CSNK1G3: variants seen among roughly 807,000 people sequenced by gnomAD.
The protein encoded by CSNK1G3 is casein kinase I isoform gamma-3.
A neutral mutation model predicts 64.3 loss-of-function variants in CSNK1G3; 23 were observed. The observed-to-expected ratio is 0.36, with a 90% CI of 0.26 to 0.51. The LOEUF (loss-of-function observed/expected upper bound fraction) is 0.51. Ranked by LOEUF, CSNK1G3 falls within the 20% of genes least tolerant of loss-of-function variation. The pLI is 0.96. For synonymous variants in CSNK1G3, 158 were observed against 162.2 expected (o/e 0.97, Z 0.20); for missense variants, 357 against 510.5 (o/e 0.70, Z 2.90).
At chr5:123,540,715 C>T (rs574636203) in intron 1 of CSNK1G3, among the ~76,000 whole-genome samples, 3 of 152,254 alleles carry the variant, frequency 2.0e-5, no homozygotes, top group African/African-American at 7.2e-5. Flanking sequence ...TCATTGCAAC[C>T]TCCGCCTCCC....
intron 12 of CSNK1G3, among the ~76,000 whole-genome samples, chr5:123,607,474 G>T (rs1012819466): frequency 6.6e-6 from 1 of 152,104 alleles, no homozygotes; most frequent in Non-Finnish European, 1.5e-5. Context: ...TGAAAACATT[G>T]TGCTAAATGA....
At chr5:123,562,914 A>C (rs995616517) in intron 4 of CSNK1G3, among the ~76,000 whole-genome samples, 1 of 152,062 alleles carries the variant, frequency 6.6e-6, no homozygotes, top group East Asian at 1.9e-4. Flanking sequence ...TTTACTTGAA[A>C]GTAAGTATAT....
At chr5:123,614,052 A>C (rs35090760) in intron 12 of CSNK1G3, among the ~76,000 whole-genome samples, 31,125 of 152,162 alleles carry the variant, frequency 0.2, 3,323 homozygotes, top group Middle Eastern at 0.33. Flanking sequence ...AGAAAGGGTG[A>C]GAATGCATAG....
At chr5:123,570,104 C>A (rs1042235874) in intron 4 of CSNK1G3, among the ~76,000 whole-genome samples, 7 of 152,216 alleles carry the variant, frequency 4.6e-5, no homozygotes, top group African/African-American at 1.7e-4. Context: ...AATGCCCAAC[C>A]CAGTCCCATA....
chr5:123,612,664 G>A (rs975928297), intron 12 of CSNK1G3, among the ~76,000 whole-genome samples: 1 of 151,970 alleles, frequency 6.6e-6, no homozygotes, highest in African/African-American at 2.4e-5. Context: ...TTTTAGTAGA[G>A]ACAGGGTTTT....
intron 3 of CSNK1G3, among the ~76,000 whole-genome samples, chr5:123,556,885 A>G (rs943090191): frequency 1.3e-5 from 2 of 152,026 alleles, no homozygotes; most frequent in Non-Finnish European, 2.9e-5. Context: ...TTTAGGTGAA[A>G]TCCAGCAACA....
At chr5:123,563,333 G>A (rs11954761) in intron 4 of CSNK1G3, among the ~76,000 whole-genome samples, 12,587 of 151,904 alleles carry the variant, frequency 0.083, 580 homozygotes, top group South Asian at 0.12. Context: ...TAATTTGATG[G>A]TAGCCACAGG....
intron 3 of CSNK1G3, among the ~76,000 whole-genome samples, chr5:123,553,933 A>G (rs897871062): frequency 6.6e-6 from 1 of 152,132 alleles, no homozygotes; most frequent in Non-Finnish European, 1.5e-5. Flanking sequence ...GCCTTCTTAT[A>G]TACATACACA....
chr5:123,538,002 G>A (rs1781113484), intron 1 of CSNK1G3, among the ~76,000 whole-genome samples: 1 of 152,130 alleles, frequency 6.6e-6, no homozygotes. Flanking sequence ...ATTGTTGCAT[G>A]TATCAGCAGT....
intron 4 of CSNK1G3, among the ~76,000 whole-genome samples, chr5:123,564,090 A>C (rs1561529282): frequency 6.6e-6 from 1 of 152,034 alleles, no homozygotes; most frequent in Non-Finnish European, 1.5e-5. Context: ...ACTGCTAAAC[A>C]TTTACTTATT....
chr5:123,616,325 C>G (rs1423712378), exon 13 of CSNK1G3: 1 of 152,562 alleles, frequency 6.6e-6, no homozygotes, highest in East Asian at 1.9e-4. Context: ...TTTGTAAATA[C>G]ATGCGAATAT....
chr5:123,530,249 G>A lies in CSNK1G3; in HGVS notation c.-247-15168G>A, dbSNP rs528389800. Among the ~76,000 whole-genome samples the A allele has an allele frequency of 8.5e-5, 13 of 152,252 alleles. No individual in the cohort carries two copies. The East Asian group carries it at 2.1e-3, about 25-fold the overall frequency. On this transcript the variant is annotated intron_variant, in intron 1 of 12. Transcript: ENST00000345990. ...TGAGGACCTATGAAACGGTCGTATTGTAGTTACTGGAGAACAGTGAGAGCT... is the reference window on the plus strand; with the variant it reads ...TGAGGACCTATGAAACGGTCGTATTATAGTTACTGGAGAACAGTGAGAGCT...
chr5:123,561,189 A>G (rs1785635800), intron 4 of CSNK1G3, among the ~76,000 whole-genome samples: 1 of 152,156 alleles, frequency 6.6e-6, no homozygotes, highest in Non-Finnish European at 1.5e-5. Context: ...GTTTTATACC[A>G]TTATCACTCT....
At chr5:123,547,698 ATATC>A (rs1782809902) in intron 2 of CSNK1G3, among the ~76,000 whole-genome samples, 1 of 152,090 alleles carries the variant, frequency 6.6e-6, no homozygotes, top group Non-Finnish European at 1.5e-5. Context: ...GTGTATATAT[ATATC>A]TGTGTATGTT....
At chr5:123,570,078 T>G (rs1787771924) in intron 4 of CSNK1G3, among the ~76,000 whole-genome samples, 1 of 152,198 alleles carries the variant, frequency 6.6e-6, no homozygotes, top group South Asian at 2.1e-4. Context: ...GGTTTCTCAT[T>G]CACTTATGTA....
rs866209421 is a variant in CSNK1G3, at chr5:123,583,815, G to C, written c.674-4253G>C. Among the ~76,000 whole-genome samples, 6 of 152,078 alleles carry C rather than the reference G, an allele frequency of 3.9e-5. No individual in the cohort carries two copies. In the Middle Eastern group the frequency reaches 0.01, roughly 259 times the overall value. ...CCACCTCAGCCTCCCTAGTAACTGG[G>C]ACTACAGGTGCATGCCAACACACCC... On this transcript the variant is annotated intron_variant, in intron 6 of 12. Coordinates refer to ENST00000345990, the Ensembl canonical transcript of CSNK1G3.
intron 1 of CSNK1G3, among the ~76,000 whole-genome samples, chr5:123,521,823 C>T (rs938113643): frequency 5.9e-5 from 9 of 151,928 alleles, no homozygotes; most frequent in East Asian, 1.9e-4. Context: ...ACTAGTGGTT[C>T]TTGGCCCGAG....
chr5:123,516,390 T>C (rs1777168847), intron 1 of CSNK1G3, among the ~76,000 whole-genome samples: 1 of 152,214 alleles, frequency 6.6e-6, no homozygotes, highest in Admixed American at 6.5e-5. Context: ...TGTAGAAATA[T>C]ATAACTTCTA....
Position 123,590,542 on chromosome 5 carries a change from G to A in CSNK1G3, c.974G>A (p.Trp325Ter). 1 of 1,511,644 alleles carries A rather than the reference G, an allele frequency of 6.6e-7. No individual in the cohort carries two copies. The allele number at this position is 1,511,644 out of a possible 1,614,324, so 93.6% of individuals were successfully genotyped here. ...TATATGTTTGATTATGAATATGACT[G>A]GATTGGTAAACAGTTGGTGAGTATT... The change falls in exon 9 of 13, where the codon TGG becomes TAG. Residue 325 changes from tryptophan (W) to a stop codon, truncating the protein, a stop_gained. Coordinates refer to ENST00000345990, the Ensembl canonical transcript of CSNK1G3. LOFTEE classifies it high-confidence loss of function.
Sources: allele counts gnomAD v4.1 joint callset (sites outside exome capture counted in the v4.1 genomes callset), GRCh38; gene constraint gnomAD v4.1.1; transcripts MANE v1.5; gene names NCBI Gene and HGNC (gene_info 2026-07-23, HGNC 2026-07-21).